The following ZBTB20 variants were observed in gnomAD, a reference collection of about 807,000 sequenced individuals.
ZBTB20 encodes the protein zinc finger and BTB domain containing 20.
Under a neutral mutation model 56.9 loss-of-function variants are expected in ZBTB20, and 9 were observed. The observed-to-expected ratio is 0.16, with a 90% CI of 0.10 to 0.28. The LOEUF (loss-of-function observed/expected upper bound fraction) is 0.28, where lower values mean the gene tolerates loss of function less well. ZBTB20 is among the 10% of genes least tolerant of loss of function. ZBTB20 has a pLI of 1.00. For synonymous variants in ZBTB20, 417 were observed against 420.7 expected (o/e 0.99, Z 0.11); for missense variants, 655 against 1,003.0 (o/e 0.65, Z 4.69).
intron 5 of ZBTB20, among the ~76,000 whole-genome samples, chr3:114,795,925 T>C (rs1332276647): frequency 6.6e-6 from 1 of 152,064 alleles, no homozygotes; most frequent in Non-Finnish European, 1.5e-5. Context: ...AAAATTTTGT[T>C]TTCTAGTAAA....
chr3:114,499,110 G>T (rs574736586), intron 7 of ZBTB20, among the ~76,000 whole-genome samples: 1 of 152,278 alleles, frequency 6.6e-6, no homozygotes, highest in East Asian at 1.9e-4. Context: ...GTAACCATAA[G>T]CATGCATATT....
At chr3:114,963,032 C>G (rs2077512549) in intron 3 of ZBTB20, among the ~76,000 whole-genome samples, 1 of 151,914 alleles carries the variant, frequency 6.6e-6, no homozygotes, top group Admixed American at 6.6e-5. Flanking sequence ...GCTGGCATCA[C>G]TCACAGCTCA....
At chr3:114,620,557 G>A (rs1260478038) in intron 6 of ZBTB20, among the ~76,000 whole-genome samples, 3 of 152,170 alleles carry the variant, frequency 2.0e-5, no homozygotes, top group African/African-American at 4.8e-5. Context: ...CTCCCAAAGT[G>A]CTGGGATTAC....
At chr3:114,989,322 C>G (rs2078696276) in intron 2 of ZBTB20, among the ~76,000 whole-genome samples, 1 of 152,172 alleles carries the variant, frequency 6.6e-6, no homozygotes, top group Non-Finnish European at 1.5e-5. Flanking sequence ...CTACAGATGG[C>G]TAGCCAGTTT....
At chr3:115,090,585 A>G (rs2083153043) in intron 1 of ZBTB20, among the ~76,000 whole-genome samples, 2 of 151,804 alleles carry the variant, frequency 1.3e-5, no homozygotes, top group South Asian at 4.1e-4. Context: ...CACCTAGGAA[A>G]CACCATGCGT....
At position 114,846,523 on chromosome 3, in the gene ZBTB20, C is replaced by A. The variant is rs1177347028; in HGVS notation, c.-416-45349G>T. Among the ~76,000 whole-genome samples the A allele has an allele frequency of 3.3e-5, 5 of 152,270 alleles. No individual in the cohort carries two copies. In the East Asian group the frequency reaches 9.6e-4, roughly 29 times the overall value. ...CTGCTAGTTAGGAGGAGGCCTAGTG[C>A]AAACAGGCAAAATTGCTTGGATGAA... On this transcript the variant is annotated intron_variant, in intron 4 of 11. Coordinates refer to ENST00000675478, the MANE Select transcript of ZBTB20 (RefSeq NM_001348800.3).
chr3:114,426,874 A>C (rs1207034505), intron 7 of ZBTB20, among the ~76,000 whole-genome samples: 1 of 152,286 alleles, frequency 6.6e-6, no homozygotes, highest in Non-Finnish European at 1.5e-5. Context: ...GCAGCAAAAT[A>C]TGGTATTTAA....
intron 5 of ZBTB20, among the ~76,000 whole-genome samples, chr3:114,785,851 G>C (rs1447812792): frequency 6.6e-6 from 1 of 152,036 alleles, no homozygotes; most frequent in Non-Finnish European, 1.5e-5. Context: ...ATTAACTATA[G>C]TCACTATGCT....
chr3:114,812,207 T>C (rs918540762), intron 4 of ZBTB20, among the ~76,000 whole-genome samples: 1 of 152,192 alleles, frequency 6.6e-6, no homozygotes, highest in African/African-American at 2.4e-5. Flanking sequence ...CATTCTCTTA[T>C]CTGGCGCCAC....
chr3:114,643,500 T>C (rs2059667494), intron 6 of ZBTB20, among the ~76,000 whole-genome samples: 1 of 152,138 alleles, frequency 6.6e-6, no homozygotes, highest in Non-Finnish European at 1.5e-5. Context: ...TTTATTCACC[T>C]GAATGCATTT....
chr3:114,460,055 T>TA (rs1400656659), intron 7 of ZBTB20, among the ~76,000 whole-genome samples: 2 of 151,948 alleles, frequency 1.3e-5, no homozygotes, highest in East Asian at 1.9e-4. Flanking sequence ...AAGCTTAAGG[T>TA]AAAAAAACTT....
chr3:114,545,773 A>C (rs576327413), intron 6 of ZBTB20, among the ~76,000 whole-genome samples: 1 of 152,268 alleles, frequency 6.6e-6, no homozygotes, highest in Admixed American at 6.5e-5. Context: ...ATCTTCATAA[A>C]ACAGTTCTTT....
intron 5 of ZBTB20, among the ~76,000 whole-genome samples, chr3:114,703,674 AT>A (rs1475892851): frequency 6.6e-6 from 1 of 152,234 alleles, no homozygotes. Context: ...AGACAGTGAT[AT>A]GAAAGTAACA....
At chr3:114,815,546 A>G (rs2072855427) in intron 4 of ZBTB20, among the ~76,000 whole-genome samples, 1 of 152,212 alleles carries the variant, frequency 6.6e-6, no homozygotes, top group Non-Finnish European at 1.5e-5. Flanking sequence ...AGCAACGGAA[A>G]TATTTCAAGT....
At chr3:115,115,102 CA>C (rs922486659) in intron 1 of ZBTB20, among the ~76,000 whole-genome samples, 8 of 152,050 alleles carry the variant, frequency 5.3e-5, no homozygotes, top group African/African-American at 1.9e-4. Context: ...TTTTTGACTA[CA>C]TTTTAAAGCT....
chr3:114,659,041 G>A (rs1198957341), intron 6 of ZBTB20, among the ~76,000 whole-genome samples: 4 of 152,152 alleles, frequency 2.6e-5, no homozygotes, highest in East Asian at 1.9e-4. Context: ...AGGTTATCTC[G>A]TCAACCTCTA....
chr3:114,620,628 T>G (rs2058259381), intron 6 of ZBTB20, among the ~76,000 whole-genome samples: 1 of 152,216 alleles, frequency 6.6e-6, no homozygotes, highest in Non-Finnish European at 1.5e-5. Flanking sequence ...GTATTCACTG[T>G]CAATGCACTG....
intron 6 of ZBTB20, among the ~76,000 whole-genome samples, chr3:114,689,608 T>C (rs955535545): frequency 2.0e-5 from 3 of 151,676 alleles, no homozygotes. Context: ...TACGCGTACA[T>C]ACACCAAGAA....
intron 4 of ZBTB20, among the ~76,000 whole-genome samples, chr3:114,853,279 C>A (rs1359889684): frequency 6.6e-6 from 1 of 152,196 alleles, no homozygotes; most frequent in South Asian, 2.1e-4. Context: ...ATGTGTCCAT[C>A]AACTTTTGGA....
Sources: gnomAD v4.1 joint callset for allele counts (sites outside exome capture counted in the v4.1 genomes callset) on GRCh38, gnomAD v4.1.1 for gene constraint, MANE v1.5 for transcripts, NCBI Gene and HGNC (gene_info 2026-07-23, HGNC 2026-07-21) for gene names.